Variants in PTPRD observed in about 807,000 individuals in gnomAD.
PTPRD encodes the protein protein tyrosine phosphatase receptor type D.
In PTPRD, 34 loss-of-function variants were observed where a neutral mutation model predicts 214.5. The observed-to-expected ratio is 0.16, with a 90% confidence interval of 0.12 to 0.21. PTPRD has a LOEUF of 0.21. Among genes scored for constraint, PTPRD ranks in the 10% least tolerant of loss-of-function variants. The pLI is 1.00. For missense variants in PTPRD, 2,545 were observed against 2,398.7 expected (o/e 1.06, Z -1.27); for synonymous variants, 1,128 against 845.7 (o/e 1.33, Z -5.79).
At chr9:10,194,337 TATATATATAGAGAGAG>T (rs1169450579) in intron 3 of PTPRD, among the ~76,000 whole-genome samples, 32 of 70,592 alleles carry the variant, frequency 4.5e-4, no homozygotes, top group African/African-American at 9.9e-4. Context: ...TATATATATA[TATATATATAGAGAGAG>T]AGAGAGAGAG....
At chr9:9,990,026 G>A (rs748719412) in intron 4 of PTPRD, among the ~76,000 whole-genome samples, 1 of 152,198 alleles carries the variant, frequency 6.6e-6, no homozygotes, top group Non-Finnish European at 1.5e-5. Context: ...CATCAGATGT[G>A]TGAGTAACAT....
chr9:8,627,062 C>T (rs931516046), intron 14 of PTPRD, among the ~76,000 whole-genome samples: 5 of 151,726 alleles, frequency 3.3e-5, no homozygotes, highest in Admixed American at 3.3e-4. Flanking sequence ...GTCTCACAGA[C>T]TCCTAAATAT....
intron 9 of PTPRD, among the ~76,000 whole-genome samples, chr9:9,255,544 T>G (rs2099977358): frequency 6.6e-6 from 1 of 152,054 alleles, no homozygotes; most frequent in African/African-American, 2.4e-5. Flanking sequence ...TATGTAACAT[T>G]GGGCAACTCT....
At chr9:8,379,225 T>G (rs2084198403) in intron 37 of PTPRD, among the ~76,000 whole-genome samples, 1 of 152,162 alleles carries the variant, frequency 6.6e-6, no homozygotes, top group Non-Finnish European at 1.5e-5. Flanking sequence ...GAAAAATAAA[T>G]ATCCTAACGT....
chr9:8,386,921 G>A (rs931974870), intron 37 of PTPRD, among the ~76,000 whole-genome samples: 1 of 152,130 alleles, frequency 6.6e-6, no homozygotes, highest in Admixed American at 6.5e-5. Flanking sequence ...AATCTCTCCA[G>A]GACATGTGGT....
rs34172921 is a variant in PTPRD at position 8,353,961 on chromosome 9, TA to T, written c.4662-11984del. Among the ~76,000 whole-genome samples the T allele has an allele frequency of 4.3e-3, 495 of 115,846 alleles. 72 individuals carry two copies. Among genetic ancestry groups the T allele is most frequent in the Non-Finnish European group, 6.5e-3 (360 of 55,234 alleles). 76.0% of individuals were successfully genotyped at this position (115,846 alleles called of 152,430 possible). A position where few individuals can be genotyped will look rare whatever the true frequency, so the allele number is the denominator to read the frequency against. On this transcript the variant is annotated intron_variant, in intron 39 of 45. Coordinates refer to ENST00000381196, the MANE Select transcript of PTPRD (RefSeq NM_002839.4). ...ACATATATATATATATATATATATA[TA>T]TGTTTTTTTTTTTTTGAGAAGGAGT...
At chr9:9,693,688 T>A (rs1339021825) in intron 7 of PTPRD, among the ~76,000 whole-genome samples, 6 of 152,226 alleles carry the variant, frequency 3.9e-5, no homozygotes, top group African/African-American at 7.2e-5. Flanking sequence ...TCTACTTCTA[T>A]GTCTTTCTCT....
At chr9:9,410,207 C>A (rs1458403466) in intron 8 of PTPRD, among the ~76,000 whole-genome samples, 1 of 152,154 alleles carries the variant, frequency 6.6e-6, no homozygotes, top group Non-Finnish European at 1.5e-5. Flanking sequence ...ATGAAATATG[C>A]ATTCAGTCCA....
At chr9:10,106,194 A>G (rs182505379) in intron 3 of PTPRD, among the ~76,000 whole-genome samples, 33 of 151,506 alleles carry the variant, frequency 2.2e-4, no homozygotes, top group African/African-American at 8.0e-4. Flanking sequence ...CTCTACCACT[A>G]CTCCATGCAG....
intron 7 of PTPRD, among the ~76,000 whole-genome samples, chr9:9,719,608 A>C (rs141658333): frequency 1.1e-3 from 160 of 152,252 alleles, no homozygotes; most frequent in African/African-American, 3.7e-3. Context: ...AAAGAGTTGT[A>C]ACACAAACGG....
chr9:9,826,830 T>G (rs2053049997), intron 5 of PTPRD, among the ~76,000 whole-genome samples: 1 of 152,126 alleles, frequency 6.6e-6, no homozygotes. Flanking sequence ...AAAATCAATG[T>G]GCAAAAATTG....
intron 11 of PTPRD, among the ~76,000 whole-genome samples, chr9:8,847,663 G>T (rs1311999310): frequency 6.6e-6 from 1 of 152,034 alleles, no homozygotes; most frequent in Non-Finnish European, 1.5e-5. Context: ...ATAAGATCCT[G>T]TATTTTATTA....
At chr9:9,873,389 T>C (rs2065997634) in intron 5 of PTPRD, among the ~76,000 whole-genome samples, 1 of 151,612 alleles carries the variant, frequency 6.6e-6, no homozygotes, top group Admixed American at 6.6e-5. Flanking sequence ...GCATGGTCAA[T>C]ATATTTCCCA....
At chr9:10,430,998 G>C (rs1408992389) in intron 2 of PTPRD, among the ~76,000 whole-genome samples, 2 of 151,902 alleles carry the variant, frequency 1.3e-5, no homozygotes, top group African/African-American at 4.8e-5. Flanking sequence ...CCTATACCTT[G>C]AATGTCATCT....
chr9:9,580,034 T>C (rs191102204), intron 7 of PTPRD, among the ~76,000 whole-genome samples: 2 of 152,178 alleles, frequency 1.3e-5, no homozygotes, highest in African/African-American at 2.4e-5. Flanking sequence ...ACATGTTTCA[T>C]CTTTTTTATG....
At chr9:8,479,403 C>CA (rs1376561179) in intron 30 of PTPRD, among the ~76,000 whole-genome samples, 1 of 152,036 alleles carries the variant, frequency 6.6e-6, no homozygotes, top group South Asian at 2.1e-4. Flanking sequence ...TCCTAGAAAA[C>CA]AAAAAATGTC....
chr9:9,047,897 A>G (rs2099676137), intron 10 of PTPRD, among the ~76,000 whole-genome samples: 1 of 152,124 alleles, frequency 6.6e-6, no homozygotes, highest in African/African-American at 2.4e-5. Context: ...CCTCAGGTTA[A>G]AAACCATTCT....
chr9:9,047,801 C>T (rs762132872), intron 10 of PTPRD, among the ~76,000 whole-genome samples: 1 of 152,058 alleles, frequency 6.6e-6, no homozygotes, highest in African/African-American at 2.4e-5. Context: ...ATTGGAGAAG[C>T]TCTGCAGGAC....
chr9:10,287,562 G>A (rs1485583936), intron 3 of PTPRD, among the ~76,000 whole-genome samples: 1 of 151,956 alleles, frequency 6.6e-6, no homozygotes, highest in African/African-American at 2.4e-5. Context: ...CTCTCCCCTG[G>A]GAGAGTAGCA....
Sources: gnomAD v4.1 joint callset for allele counts (sites outside exome capture counted in the v4.1 genomes callset) on GRCh38, gnomAD v4.1.1 for gene constraint, MANE v1.5 for transcripts, NCBI Gene and HGNC (gene_info 2026-07-23, HGNC 2026-07-21) for gene names.